The following PTPN14 variants were observed in gnomAD, a reference collection of about 807,000 sequenced individuals.
PTPN14 encodes the protein protein tyrosine phosphatase non-receptor type 14.
Under a neutral mutation model 126.8 loss-of-function variants are expected in PTPN14, and 53 were observed. The observed-to-expected ratio is 0.42, with a 90% confidence interval of 0.34 to 0.53. The LOEUF (loss-of-function observed/expected upper bound fraction) is 0.53. Ranked by LOEUF, PTPN14 falls within the 20% of genes least tolerant of loss-of-function variation. PTPN14 has a pLI of 0.08. For missense variants in PTPN14, 1,257 were observed against 1,552.9 expected, an observed-to-expected ratio of 0.81 and a Z score of 3.20; for synonymous variants, 630 against 599.3, an observed-to-expected ratio of 1.05 and a Z score of -0.75.
At position 214,416,225 on chromosome 1, in the gene PTPN14, G is replaced by GT. The variant is rs531658155; in HGVS notation, c.345-1500dup. Among the ~76,000 whole-genome samples the GT allele has an allele frequency of 8.5e-4, 129 of 152,306 alleles. 3 individuals are homozygous for GT. The South Asian group carries it at 0.025, about 30-fold the overall frequency. On this transcript the variant is annotated intron_variant, in intron 3 of 18. Coordinates refer to ENST00000366956, the MANE Select transcript of PTPN14 (RefSeq NM_005401.5). Reference sequence around the variant, plus strand: ...ATATCTTTTTGATCGCTGTGATCATGTTTTTGTCTAGTGTACTATCTAAGG... The same window carrying GT: ...ATATCTTTTTGATCGCTGTGATCATGTTTTTTGTCTAGTGTACTATCTAAGG...
intron 1 of PTPN14, among the ~76,000 whole-genome samples, chr1:214,547,665 C>G (rs1206313749): frequency 6.6e-6 from 1 of 152,142 alleles, no homozygotes; most frequent in Admixed American, 6.5e-5. Flanking sequence ...CAGAGTTATC[C>G]TAACATTCTT....
At chr1:214,510,744 T>C (rs987391580) in intron 1 of PTPN14, among the ~76,000 whole-genome samples, 31 of 152,198 alleles carry the variant, frequency 2.0e-4, no homozygotes, top group African/African-American at 6.8e-4. Flanking sequence ...CTCCATATGT[T>C]TGGACTTGGT....
intron 1 of PTPN14, among the ~76,000 whole-genome samples, chr1:214,492,575 T>A (rs1173198960): frequency 6.6e-6 from 1 of 152,210 alleles, no homozygotes; most frequent in African/African-American, 2.4e-5. Context: ...TATCATCAAA[T>A]GAGGCATTCC....
intron 3 of PTPN14, among the ~76,000 whole-genome samples, chr1:214,431,276 T>G (rs1446518919): frequency 1.3e-5 from 2 of 152,206 alleles, no homozygotes; most frequent in Non-Finnish European, 2.9e-5. Flanking sequence ...AAAGCAATCC[T>G]TTAGAAGGAT....
rs187720968 is a variant in PTPN14, at chr1:214,467,096, G to A, written c.-154-2139C>T. Among the ~76,000 whole-genome samples, 448 of 152,240 alleles carry A rather than the reference G, an allele frequency of 2.9e-3. 2 individuals carry two copies. The highest frequency in any genetic ancestry group is 5.2e-3 in the Non-Finnish European group (351 of 68,024). ...AACATTTCTAAATCACTTTATGTTGGCAGAGTATCATGTTTACCTCTAAGG... is the reference window on the plus strand; with the variant it reads ...AACATTTCTAAATCACTTTATGTTGACAGAGTATCATGTTTACCTCTAAGG... On this transcript the variant is annotated intron_variant, in intron 1 of 18. Coordinates refer to ENST00000366956, the MANE Select transcript of PTPN14 (RefSeq NM_005401.5).
chr1:214,377,891 G>C (rs774607250), intron 14 of PTPN14, 68 bp downstream of exon 14: 4 of 1,532,992 alleles, frequency 2.6e-6, no homozygotes, highest in Non-Finnish European at 2.6e-6. Context: ...GGCATATTCG[G>C]GCAAGGAGGG....
rs535714935 is a variant in PTPN14 at position 214,396,751 on chromosome 1, G to A, written c.758+1162C>T. Reference sequence around the variant, plus strand: ...CTTCTATTTCACTTCAGTAGCTGGTGTGCAAGACTTGTTTACTTCTCTGCT... The same window carrying A: ...CTTCTATTTCACTTCAGTAGCTGGTATGCAAGACTTGTTTACTTCTCTGCT... On this transcript the variant is annotated intron_variant, in intron 8 of 18. Coordinates refer to ENST00000366956, the MANE Select transcript of PTPN14 (RefSeq NM_005401.5). Among the ~76,000 whole-genome samples, 275 of 152,288 alleles carry A rather than the reference G, an allele frequency of 1.8e-3. 1 individual carries two copies. The highest frequency in any genetic ancestry group is 6.3e-3 in the African/African-American group (263 of 41,554).
chr1:214,530,026 A>G lies in PTPN14; in HGVS notation c.-155+21157T>C, dbSNP rs1374539227. The G allele has an allele frequency of 2.6e-5, 4 of 152,302 alleles. No individual in the cohort carries two copies. In the South Asian group the frequency reaches 6.2e-4, roughly 24 times the overall value. The allele number at this position is 152,302 out of a possible 1,614,324, so 9.4% of individuals were successfully genotyped here. A position where few individuals can be genotyped will look rare whatever the true frequency, so the allele number is the denominator to read the frequency against. On this transcript the variant is annotated intron_variant, in intron 1 of 18. Coordinates refer to ENST00000366956, the MANE Select transcript of PTPN14 (RefSeq NM_005401.5). ...CTACTTAAGAAAAACAGAGCTGACT[A>G]CAGATACCTCATAGATGCAGGTATG...
intron 8 of PTPN14, among the ~76,000 whole-genome samples, chr1:214,397,016 AAT>A: frequency 6.6e-6 from 1 of 152,234 alleles, no homozygotes; most frequent in Middle Eastern, 3.2e-3. Context: ...CTGCTTCAAT[AAT>A]GTCTCTATTC....
chr1:214,469,184 G>A (rs1346601004), intron 1 of PTPN14, among the ~76,000 whole-genome samples: 1 of 152,130 alleles, frequency 6.6e-6, no homozygotes, highest in African/African-American at 2.4e-5. Context: ...TAGAGAAGAA[G>A]ATCTCTTAGT....
At chr1:214,428,600 C>T (rs980987257) in intron 3 of PTPN14, among the ~76,000 whole-genome samples, 1 of 152,136 alleles carries the variant, frequency 6.6e-6, no homozygotes, top group African/African-American at 2.4e-5. Context: ...CTTTATAGAA[C>T]GAAGTCCACA....
intron 1 of PTPN14, among the ~76,000 whole-genome samples, chr1:214,488,096 A>G (rs1273591118): frequency 6.6e-6 from 1 of 152,228 alleles, no homozygotes; most frequent in African/African-American, 2.4e-5. Flanking sequence ...CAAGGGTCCT[A>G]TACACCATAC....
chr1:214,519,243 TG>T (rs1655183654), intron 1 of PTPN14, among the ~76,000 whole-genome samples: 1 of 152,126 alleles, frequency 6.6e-6, no homozygotes, highest in Non-Finnish European at 1.5e-5. Flanking sequence ...CACTCCAGCC[TG>T]GGTGACAGAG....
chr1:214,505,049 T>C (rs1265382583), intron 1 of PTPN14, among the ~76,000 whole-genome samples: 3 of 152,146 alleles, frequency 2.0e-5, no homozygotes, highest in African/African-American at 7.2e-5. Context: ...CTGTTTAAGA[T>C]ACTTGTGGCC....
At position 214,453,470 on chromosome 1, in the gene PTPN14, G is replaced by A. The variant is rs116072897; in HGVS notation, c.175-1496C>T. Among the ~76,000 whole-genome samples, 713 of 152,304 alleles carry A rather than the reference G, an allele frequency of 4.7e-3. 7 individuals are homozygous for A. The highest frequency in any genetic ancestry group is 0.016 in the African/African-American group (666 of 41,554). On this transcript the variant is annotated intron_variant, in intron 2 of 18. Coordinates refer to ENST00000366956, the MANE Select transcript of PTPN14 (RefSeq NM_005401.5). ...CTAGACTCTCAGAGTTTTCTCCTCT[G>A]CAAAATGGAGATGATGGTTACAACT... is the stretch of plus-strand genomic sequence containing the variant.
chr1:214,367,883 G>A (rs1487959587), intron 17 of PTPN14, among the ~76,000 whole-genome samples: 4 of 152,196 alleles, frequency 2.6e-5, no homozygotes, highest in Non-Finnish European at 5.9e-5. Flanking sequence ...TGCATTCTCA[G>A]AGCCCGATCC....
chr1:214,440,049 T>C (rs1558103204), intron 3 of PTPN14, among the ~76,000 whole-genome samples: 1 of 152,100 alleles, frequency 6.6e-6, no homozygotes, highest in Non-Finnish European at 1.5e-5. Context: ...GAGGGGAGGA[T>C]TGGCAAAGAC....
chr1:214,369,592 T>C lies in PTPN14; in HGVS notation c.3136A>G (p.Thr1046Ala). ...GTGGTTGCATAGCAAACAGAATCCG[T>C]TCGAAACTTCGTGGTGACCTTGAAC... Reference protein sequence around the residue: ...GKFKVTTKFRTDSVCYATTGL... With the variant: ...GKFKVTTKFRADSVCYATTGL... The change falls in exon 17 of 19, where the codon ACG becomes GCG. Residue 1046 changes from threonine (T) to alanine (A), a missense_variant. Coordinates refer to ENST00000366956, the MANE Select transcript of PTPN14 (RefSeq NM_005401.5). 6.2e-7 allele frequency: 1 copy of C among 1,614,178 alleles called. No individual in the cohort carries two copies. Among genetic ancestry groups the C allele is most frequent in the Non-Finnish European group, 8.5e-7 (1 of 1,180,026 alleles).
At chr1:214,404,838 A>T (rs1659124877) in intron 5 of PTPN14, among the ~76,000 whole-genome samples, 1 of 152,216 alleles carries the variant, frequency 6.6e-6, no homozygotes, top group Non-Finnish European at 1.5e-5. Flanking sequence ...AAGATCAAAC[A>T]CAGCCATTCA....
Sources: allele counts gnomAD v4.1 joint callset (sites outside exome capture counted in the v4.1 genomes callset), GRCh38; gene constraint gnomAD v4.1.1; transcripts MANE v1.5; gene names NCBI Gene and HGNC (gene_info 2026-07-23, HGNC 2026-07-21).